NEDD4: variants seen among roughly 807,000 people sequenced by gnomAD.
The protein encoded by NEDD4 is E3 ubiquitin-protein ligase NEDD4.
NEDD4 carries 99 observed loss-of-function variants against 144.9 expected under a neutral mutation model. The ratio of observed to expected loss-of-function variants is 0.68; its 90% CI spans 0.58 to 0.81. NEDD4 has a LOEUF of 0.81. Ranked by LOEUF, NEDD4 falls within the 30% of genes least tolerant of loss-of-function variation. NEDD4 has a pLI of 0.00. For missense variants in NEDD4, 985 were observed against 1,065.9 expected, an observed-to-expected ratio of 0.92 and a Z score of 1.06; for synonymous variants, 318 against 350.6, an observed-to-expected ratio of 0.91 and a Z score of 1.04.
At chr15:55,947,528 C>G (rs938951164) in intron 4 of NEDD4, among the ~76,000 whole-genome samples, 1 of 152,110 alleles carries the variant, frequency 6.6e-6, no homozygotes, top group African/African-American at 2.4e-5. Context: ...AATTAATAGC[C>G]TACCAACCAA....
rs564385465 is a variant in NEDD4 at position 55,934,860 on chromosome 15, C to CTTTTTTTTT, written c.238-10170_238-10162dup. Reference sequence around the variant, plus strand: ...ATATATTCCTATATACAATGTTCTGCTTTTTTTTTTTTTTTTTTTTTTTTT... The same window carrying CTTTTTTTTT: ...ATATATTCCTATATACAATGTTCTGCTTTTTTTTTTTTTTTTTTTTTTTTTTTTTTTTTT... On this transcript the variant is annotated intron_variant, in intron 4 of 28. Coordinates refer to ENST00000435532, the MANE Select transcript of NEDD4 (RefSeq NM_006154.4). The CTTTTTTTTT allele has an allele frequency of 2.7e-4, 22 of 80,858 alleles. 4 individuals are homozygous for CTTTTTTTTT. The highest frequency in any genetic ancestry group is 4.7e-4 in the East Asian group (1 of 2,120). 5.0% of individuals were successfully genotyped at this position (80,858 alleles called of 1,614,324 possible). A position where few individuals can be genotyped will look rare whatever the true frequency, so the allele number is the denominator to read the frequency against.
At chr15:55,959,717 G>T (rs991518434) in intron 2 of NEDD4, among the ~76,000 whole-genome samples, 1 of 152,180 alleles carries the variant, frequency 6.6e-6, no homozygotes, top group Non-Finnish European at 1.5e-5. Context: ...GTGAGCTGCT[G>T]AATGGCAAGA....
chr15:55,927,817 G>A (rs1374076472), intron 4 of NEDD4, among the ~76,000 whole-genome samples: 3 of 152,156 alleles, frequency 2.0e-5, no homozygotes, highest in Non-Finnish European at 2.9e-5. Context: ...AGTCAGCAGA[G>A]CTTTGCTTAG....
chr15:55,966,145 C>G (rs183940286), intron 2 of NEDD4, among the ~76,000 whole-genome samples: 1 of 152,194 alleles, frequency 6.6e-6, no homozygotes, highest in African/African-American at 2.4e-5. Flanking sequence ...CTCTCCACTG[C>G]CTTCAGGTTG....
chr15:55,840,002 ATATATATATATAT>A (rs1566901130), intron 21 of NEDD4, among the ~76,000 whole-genome samples: 597 of 20,650 alleles, frequency 0.029, 21 homozygotes, highest in East Asian at 0.048. Flanking sequence ...AAAAAAAAAT[ATATATATATATAT>A]ATATATATAT....
At chr15:55,918,533 GT>G (rs1215359277) in intron 5 of NEDD4, among the ~76,000 whole-genome samples, 47 of 151,238 alleles carry the variant, frequency 3.1e-4, no homozygotes, top group African/African-American at 1.0e-3. Flanking sequence ...TGCTAAGTAA[GT>G]TTTTTTTCCT....
At chr15:55,972,337 TATA>T (rs1295005002) in intron 1 of NEDD4, among the ~76,000 whole-genome samples, 1 of 152,034 alleles carries the variant, frequency 6.6e-6, no homozygotes, top group Admixed American at 6.6e-5. Flanking sequence ...TCATAGACAA[TATA>T]ATAAGACAAA....
At chr15:55,898,591 G>T (rs947268313) in intron 5 of NEDD4, among the ~76,000 whole-genome samples, 57 of 150,654 alleles carry the variant, frequency 3.8e-4, no homozygotes, top group Non-Finnish European at 5.9e-4. Context: ...ATCAGAAGTT[G>T]GGATAATATC....
intron 8 of NEDD4, among the ~76,000 whole-genome samples, chr15:55,867,267 A>C (rs2034617954): frequency 2.6e-5 from 4 of 152,222 alleles, no homozygotes; most frequent in African/African-American, 9.6e-5. Flanking sequence ...GAAGGTAAAT[A>C]AGCACAGATT....
At chr15:55,841,020 G>C (rs1224792303) in intron 19 of NEDD4, among the ~76,000 whole-genome samples, 2 of 116,056 alleles carry the variant, frequency 1.7e-5, no homozygotes, top group Admixed American at 1.7e-4. Context: ...TGCAACCTCC[G>C]CCTCCCAGGT....
chr15:55,886,394 C>G (rs1440940195), intron 5 of NEDD4, among the ~76,000 whole-genome samples: 3 of 152,184 alleles, frequency 2.0e-5, no homozygotes, highest in African/African-American at 7.2e-5. Flanking sequence ...CTTCAGATTA[C>G]ACATTATTCT....
At chr15:55,923,801 CATGA>C (rs1425617470) in intron 5 of NEDD4, among the ~76,000 whole-genome samples, 2 of 151,414 alleles carry the variant, frequency 1.3e-5, no homozygotes, top group African/African-American at 4.8e-5. Context: ...GCAAAAAAAA[CATGA>C]ATGTAGTTTA....
At chr15:55,850,866 T>A in intron 13 of NEDD4, 124 bp from the exon 14 acceptor site, 5 of 739,032 alleles carry the variant, frequency 6.8e-6, no homozygotes, top group Non-Finnish European at 1.0e-5. Context: ...CTCTAAATAT[T>A]TGAGGCTCAT....
At position 55,903,824 on chromosome 15, in the gene NEDD4, C is replaced by CAAA. The variant is rs1198758409; in HGVS notation, c.291+20819_291+20821dup. On this transcript the variant is annotated intron_variant, in intron 5 of 28. Coordinates refer to ENST00000435532, the MANE Select transcript of NEDD4 (RefSeq NM_006154.4). The stretch of plus-strand genomic sequence containing the variant: ...TGGGTGACAGAGTGAGACTCCATCT[C>CAAA]AAAAAAAAAAAAAAAACACACATAT... Among the ~76,000 whole-genome samples the CAAA allele has an allele frequency of 7.9e-4, 58 of 73,522 alleles. 1 individual carries two copies. The highest frequency in any genetic ancestry group is 7.8e-3 in the South Asian group (16 of 2,044). 48.2% of individuals were successfully genotyped at this position (73,522 alleles called of 152,430 possible).
intron 5 of NEDD4, among the ~76,000 whole-genome samples, chr15:55,886,493 G>A (rs999189160): frequency 5.3e-5 from 8 of 152,206 alleles, no homozygotes; most frequent in African/African-American, 1.7e-4. Flanking sequence ...TGGGCCAGGC[G>A]TGGTTGCTCA....
At chr15:55,946,992 G>C (rs2037127677) in intron 4 of NEDD4, among the ~76,000 whole-genome samples, 1 of 152,004 alleles carries the variant, frequency 6.6e-6, no homozygotes, top group Non-Finnish European at 1.5e-5. Context: ...AGAATCTCTG[G>C]GACACATTTA....
chr15:55,915,486 T>C, intron 5 of NEDD4: 1 of 1,613,672 alleles, frequency 6.2e-7, no homozygotes, highest in South Asian at 1.1e-5. Flanking sequence ...AATACCATGG[T>C]TTTTGTTCAT....
chr15:55,850,561 T>C lies in NEDD4; in HGVS notation c.1328A>G (p.Asn443Ser), dbSNP rs754877786. The change falls in exon 14 of 29, where the codon AAC (asparagine) becomes AGC (serine). Residue 443 changes from asparagine (N) to serine (S), a missense_variant. Asn to Ser is a conservative substitution (Grantham distance 46). Transcript: ENST00000435532. ...AGTTACCCAGGTGGTGGTTTTAGTG[T>C]TGTGGTCAATAAAGAAAGGCCTCCC... ...PNGRPFFIDH[N>S]TKTTTWEDPR... 2 of 1,614,140 alleles carry C rather than the reference T, an allele frequency of 1.2e-6. No homozygotes were observed. The highest frequency in any genetic ancestry group is 2.2e-5 in the South Asian group (2 of 91,072).
chr15:55,924,680 C>T lies in NEDD4; in HGVS notation c.257G>A (p.Arg86Gln), dbSNP rs774933057. The T allele has an allele frequency of 2.7e-5, 44 of 1,609,902 alleles. No individual in the cohort carries two copies. Among genetic ancestry groups the T allele is most frequent in the South Asian group, 3.3e-5 (3 of 89,972 alleles). ...TTCGTCAAACACTTCAAAAAGAAGC[C>T]GGTGCTGCTGAGGATGAACCTAAGA... ...ILFRVHPQQH[R>Q]LLFEVFDENR... is the part of the protein sequence containing the mutation. Residue 86 changes from arginine to glutamine, a missense_variant, in exon 5 of 29, where the codon CGG becomes CAG. Physicochemically the swap from Arg to Gln is conservative, Grantham distance 43. Transcript: ENST00000435532.
Sources: allele counts gnomAD v4.1 joint callset (sites outside exome capture counted in the v4.1 genomes callset), GRCh38; gene constraint gnomAD v4.1.1; transcripts MANE v1.5; gene names NCBI Gene and HGNC (gene_info 2026-07-23, HGNC 2026-07-21).